RORA: variants seen among roughly 807,000 people sequenced by gnomAD.
RORA encodes the protein nuclear receptor ROR-alpha.
RORA carries 7 observed loss-of-function variants against 69.5 expected under a neutral mutation model. The observed-to-expected ratio is 0.10, with a 90% CI of 0.06 to 0.19. RORA has a LOEUF of 0.19. Among genes scored for constraint, RORA ranks in the 10% least tolerant of loss-of-function variants. RORA has a pLI of 1.00. For synonymous variants in RORA, 261 were observed against 240.8 expected, an observed-to-expected ratio of 1.08 and a Z score of -0.78; for missense variants, 457 against 663.0, an observed-to-expected ratio of 0.69 and a Z score of 3.41.
chr15:60,683,495 CAACCAAAG>C (rs2070684631), intron 1 of RORA, among the ~76,000 whole-genome samples: 1 of 151,966 alleles, frequency 6.6e-6, no homozygotes, highest in Non-Finnish European at 1.5e-5. Context: ...TTGCCTTTAA[CAACCAAAG>C]AAGAAAAAAG....
intron 2 of RORA, among the ~76,000 whole-genome samples, chr15:60,603,339 T>C (rs1007702479): frequency 2.0e-5 from 3 of 152,226 alleles, no homozygotes; most frequent in Non-Finnish European, 4.4e-5. Context: ...AAGAAATGCT[T>C]GATGGTTTCC....
intron 1 of RORA, among the ~76,000 whole-genome samples, chr15:61,045,315 C>T (rs576661443): frequency 6.6e-5 from 10 of 152,276 alleles, no homozygotes; most frequent in East Asian, 5.8e-4. Context: ...ATTCACCTTC[C>T]GCCATGGTTG....
intron 1 of RORA, among the ~76,000 whole-genome samples, chr15:61,223,345 C>T (rs1451515601): frequency 6.9e-6 from 1 of 145,106 alleles, no homozygotes; most frequent in African/African-American, 2.5e-5. Context: ...AATGACTTTA[C>T]ATCCTCTTTA....
intron 1 of RORA, among the ~76,000 whole-genome samples, chr15:61,201,128 G>A (rs2079892019): frequency 6.6e-6 from 1 of 152,140 alleles, no homozygotes; most frequent in Non-Finnish European, 1.5e-5. Context: ...TTTCTTGGAA[G>A]CTCCACACAC....
At chr15:61,193,570 G>A (rs553464084) in intron 1 of RORA, among the ~76,000 whole-genome samples, 1 of 152,234 alleles carries the variant, frequency 6.6e-6, no homozygotes, top group African/African-American at 2.4e-5. Flanking sequence ...CTAGTTATAT[G>A]AGCCCATTAA....
At chr15:60,802,118 G>A (rs2072590848) in intron 1 of RORA, among the ~76,000 whole-genome samples, 1 of 152,152 alleles carries the variant, frequency 6.6e-6, no homozygotes, top group African/African-American at 2.4e-5. Context: ...AGGCACCACT[G>A]TTAAGTAGGG....
intron 1 of RORA, among the ~76,000 whole-genome samples, chr15:61,205,678 A>T (rs1274545429): frequency 6.6e-6 from 1 of 152,210 alleles, no homozygotes; most frequent in Non-Finnish European, 1.5e-5. Context: ...AGAGGGCAAG[A>T]GAAAGTAGAA....
chr15:61,064,953 C>T (rs1252744837), intron 1 of RORA, among the ~76,000 whole-genome samples: 1 of 152,204 alleles, frequency 6.6e-6, no homozygotes, highest in Non-Finnish European at 1.5e-5. Flanking sequence ...CTCCCAGCAA[C>T]AGAGACTAAC....
intron 3 of RORA, among the ~76,000 whole-genome samples, chr15:60,515,600 A>G (rs2065839715): frequency 2.0e-5 from 3 of 152,178 alleles, no homozygotes; most frequent in East Asian, 3.9e-4. Flanking sequence ...CCTTTTAGTG[A>G]TGTTTTAACA....
intron 2 of RORA, among the ~76,000 whole-genome samples, chr15:60,579,970 C>T (rs904973856): frequency 5.3e-5 from 8 of 152,030 alleles, no homozygotes; most frequent in African/African-American, 1.9e-4. Context: ...TTAATGACTA[C>T]ACAGAGCACT....
At chr15:60,838,296 G>A (rs1280398648) in intron 1 of RORA, among the ~76,000 whole-genome samples, 1 of 152,178 alleles carries the variant, frequency 6.6e-6, no homozygotes, top group African/African-American at 2.4e-5. Flanking sequence ...GCCTGGGCTG[G>A]GGATTTTACT....
chr15:61,057,872 T>A (rs996116439), intron 1 of RORA, among the ~76,000 whole-genome samples: 2 of 152,160 alleles, frequency 1.3e-5, no homozygotes, highest in Non-Finnish European at 2.9e-5. Context: ...TCCATCCTCC[T>A]GGAAAAAAGA....
chr15:61,160,026 T>A (rs2079480976), intron 1 of RORA, among the ~76,000 whole-genome samples: 1 of 152,198 alleles, frequency 6.6e-6, no homozygotes, highest in South Asian at 2.1e-4. Flanking sequence ...TCACCAGGTG[T>A]GTGACCTCAG....
chr15:60,767,423 T>A (rs2072007706), intron 1 of RORA, among the ~76,000 whole-genome samples: 1 of 152,214 alleles, frequency 6.6e-6, no homozygotes, highest in Non-Finnish European at 1.5e-5. Context: ...CATTATAATA[T>A]CCACTTCACA....
chr15:60,500,913 C>T, intron 9 of RORA, 46 bp downstream of exon 9: 1 of 1,125,978 alleles, frequency 8.9e-7, no homozygotes. Flanking sequence ...AATTCTTTAT[C>T]TTAGACAATT....
chr15:61,115,395 C>G (rs753679239), intron 1 of RORA, among the ~76,000 whole-genome samples: 34 of 152,174 alleles, frequency 2.2e-4, no homozygotes, highest in Admixed American at 4.6e-4. Flanking sequence ...ACTAAGAAGA[C>G]AGGACACTGG....
At chr15:61,138,770 T>C (rs947002388) in intron 1 of RORA, among the ~76,000 whole-genome samples, 1 of 152,074 alleles carries the variant, frequency 6.6e-6, no homozygotes, top group Non-Finnish European at 1.5e-5. Context: ...AAAACAAATG[T>C]TCTGCAAATG....
intron 2 of RORA, chr15:60,592,954 G>A: frequency 2.2e-6 from 1 of 455,134 alleles, no homozygotes; most frequent in Non-Finnish European, 4.4e-6. Flanking sequence ...CGATAAATGC[G>A]CCAGCTCGTT....
At chr15:61,193,425 T>C (rs879251312) in intron 1 of RORA, among the ~76,000 whole-genome samples, 1 of 152,182 alleles carries the variant, frequency 6.6e-6, no homozygotes, top group Non-Finnish European at 1.5e-5. Flanking sequence ...GGATTCATTA[T>C]AGAAAAAGTT....
Sources: gnomAD v4.1 joint callset for allele counts (sites outside exome capture counted in the v4.1 genomes callset) on GRCh38, gnomAD v4.1.1 for gene constraint, MANE v1.5 for transcripts, NCBI Gene and HGNC (gene_info 2026-07-23, HGNC 2026-07-21) for gene names.